The following UBE3B variants were observed in gnomAD, a reference collection of about 807,000 sequenced individuals.
UBE3B encodes ubiquitin protein ligase E3B.
In UBE3B, 80 loss-of-function variants were observed where a neutral mutation model predicts 132.3. That is an observed-to-expected ratio of 0.60 (90% CI 0.50 to 0.73). The LOEUF (loss-of-function observed/expected upper bound fraction) is 0.73, where lower values mean the gene tolerates loss of function less well. Among genes scored for constraint, UBE3B ranks in the 30% least tolerant of loss-of-function variants. UBE3B has a pLI of 0.00. For synonymous variants in UBE3B, 487 were observed against 520.4 expected (o/e 0.94, Z 0.87); for missense variants, 1,196 against 1,362.5 (o/e 0.88, Z 1.92).
rs1158534509 is a variant in UBE3B at position 109,483,609 on chromosome 12, C to T, written c.58C>T (p.Arg20Ter). The T allele has an allele frequency of 1.2e-6, 2 of 1,612,344 alleles. No homozygotes were observed. The highest frequency in any genetic ancestry group is 1.7e-5 in the Admixed American group (1 of 59,484). The part of the protein sequence containing the change: ...AWFIDRARQA[R>*]EERLVQKERE... ...GTTCATCGATAGAGCCCGTCAGGCA[C>T]GAGAAGAAAGGCTTGTGCAGAAGGA... The change falls in exon 3 of 28, where the codon CGA (arginine) becomes TGA (stop). Residue 20 changes from arginine to a stop codon, truncating the protein, a stop_gained. Transcript: ENST00000342494. LOFTEE classifies it high-confidence loss of function.
intron 15 of UBE3B, 83 bp from the exon 16 acceptor site, chr12:109,509,513 T>C (rs1880095837): frequency 2.5e-6 from 2 of 785,902 alleles, no homozygotes; most frequent in African/African-American, 1.7e-5. Flanking sequence ...CAACCTCGTT[T>C]ATTGTCTAGT....
At chr12:109,497,482 C>A (rs1057402789) in intron 9 of UBE3B, among the ~76,000 whole-genome samples, 19 of 152,132 alleles carry the variant, frequency 1.2e-4, no homozygotes, top group African/African-American at 4.6e-4. Flanking sequence ...CTCCAAAACC[C>A]CCTTTTTTCC....
In UBE3B at chr12:109,503,188, C is replaced by A. The variant is rs1401714827; in HGVS notation, c.1448C>A (p.Thr483Lys). Residue 483 changes from threonine to lysine, a missense_variant and splice_region_variant, in exon 14 of 28, where the codon ACA (threonine) becomes AAA (lysine). By Grantham distance (78) the Thr-to-Lys change is moderately conservative. Coordinates refer to ENST00000342494, the MANE Select transcript of UBE3B (RefSeq NM_130466.4). The stretch of plus-strand genomic sequence containing the variant: ...ACACAGATTCGGCTGCAGATACTCA[C>A]AGGTTCGCAGTCCCCAGGGCATCTT... Reference protein sequence around the residue: ...TLTQIRLQILTGLTYLDDLLP... With the variant: ...TLTQIRLQILKGLTYLDDLLP... 2.5e-6 allele frequency: 4 copies of A among 1,613,998 alleles called. No homozygotes were observed. Among genetic ancestry groups the A allele is most frequent in the Non-Finnish European group, 3.4e-6 (4 of 1,179,852 alleles).
intron 26 of UBE3B, among the ~76,000 whole-genome samples, chr12:109,530,959 T>C (rs1171543900): frequency 6.6e-6 from 1 of 152,196 alleles, no homozygotes; most frequent in African/African-American, 2.4e-5. Context: ...TGATAACATC[T>C]TTTTTCTTTA....
chr12:109,501,590 C>T, intron 13 of UBE3B, 56 bp downstream of exon 13: 1 of 1,562,804 alleles, frequency 6.4e-7, no homozygotes, highest in Non-Finnish European at 8.7e-7. Flanking sequence ...AGTACAGCTC[C>T]TGTTTCTTCC....
chr12:109,541,987 G>C, the UBE3B span, among the ~76,000 whole-genome samples: 7 of 152,226 alleles, frequency 4.6e-5, no homozygotes, highest in East Asian at 1.4e-3. Flanking sequence ...TCCAAAAAAG[G>C]TCCCATGCAC....
At chr12:109,498,397 G>A in intron 11 of UBE3B, 44 bp downstream of exon 11, 1 of 1,595,416 alleles carries the variant, frequency 6.3e-7, no homozygotes, top group South Asian at 1.1e-5. Context: ...TGGCCATCAG[G>A]GAAAGCCCGA....
chr12:109,491,169 A>T lies in UBE3B; in HGVS notation c.713+42A>T, dbSNP rs549456117. ...AGCTGAGGTGTTGGCATGTTCTTGAATGCTTCCTCCTCTTGGTTTTTCTTT... is the reference window on the plus strand; with the variant it reads ...AGCTGAGGTGTTGGCATGTTCTTGATTGCTTCCTCCTCTTGGTTTTTCTTT... On this transcript the variant is annotated intron_variant, in intron 9 of 27. Coordinates refer to ENST00000342494, the MANE Select transcript of UBE3B (RefSeq NM_130466.4). The T allele has an allele frequency of 3.2e-6, 5 of 1,586,912 alleles. No individual in the cohort carries two copies. In the South Asian group the frequency reaches 5.6e-5, roughly 18 times the overall value.
In UBE3B at chr12:109,489,878, T is replaced by C. The variant is rs755173837; in HGVS notation, c.545-41T>C. The C allele has an allele frequency of 1.3e-5, 20 of 1,584,730 alleles. No homozygotes were observed. In the East Asian group the frequency reaches 4.0e-4, roughly 32 times the overall value. ...TGTCCCACATAAACAGGTCACATTA[T>C]GGCAAGAGACTTTTTTGTTCTCACT... is the stretch of plus-strand genomic sequence containing the variant. On this transcript the variant is annotated intron_variant, in intron 7 of 27. Transcript: ENST00000342494.
chr12:109,484,002 A>G, intron 4 of UBE3B, 21 bp downstream of exon 4: 1 of 1,599,458 alleles, frequency 6.3e-7, no homozygotes, highest in Non-Finnish European at 8.5e-7. Context: ...AATAGCAAAC[A>G]TGTATAATAC....
chr12:109,480,285 AGGTACCTGATAAG>A (rs921191810), intron 1 of UBE3B, among the ~76,000 whole-genome samples: 4 of 151,800 alleles, frequency 2.6e-5, no homozygotes, highest in African/African-American at 9.7e-5. Flanking sequence ...GTACCTCCAT[AGGTACCTGATAAG>A]CATCATCACA....
At chr12:109,507,817 T>C (rs1879878623) in intron 15 of UBE3B, 82 bp downstream of exon 15, 7 of 1,438,730 alleles carry the variant, frequency 4.9e-6, no homozygotes, top group Non-Finnish European at 5.7e-6. Context: ...AAGTAATTGC[T>C]AATGTGATTA....
rs1592982151 is a variant in UBE3B at position 109,534,901 on chromosome 12, T to C, written c.*119T>C. The stretch of plus-strand genomic sequence containing the variant: ...AGGTGACATTGGCCCCTAGACCCTC[T>C]CTATAGCCATGAGACTCCTTGTGGC... On this transcript the variant is annotated 3_prime_UTR_variant, in exon 28 of 28. Coordinates refer to ENST00000342494, the MANE Select transcript of UBE3B (RefSeq NM_130466.4). The surrounding 1 kb of genome is among the most constrained non-coding windows in gnomAD (Gnocchi z 5.2). The C allele has an allele frequency of 6.1e-6, 5 of 816,378 alleles. No individual in the cohort carries two copies. The East Asian group carries it at 1.2e-4, about 20-fold the overall frequency. 50.6% of individuals were successfully genotyped at this position (816,378 alleles called of 1,614,324 possible).
rs1326086174 is a variant in UBE3B at position 109,477,752 on chromosome 12, C to T, written c.-485C>T. 1.2e-5 allele frequency: 2 copies of T among 167,724 alleles called. No individual in the cohort carries two copies. The highest frequency in any genetic ancestry group is 2.4e-5 in the African/African-American group (1 of 41,642). The allele number at this position is 167,724 out of a possible 1,614,324, so 10.4% of individuals were successfully genotyped here. A position where few individuals can be genotyped will look rare whatever the true frequency, so the allele number is the denominator to read the frequency against. ...GCCCCGACCCCAAGTGCGGGGACCT[C>T]CGGCGAATAAAGGTCGGCCTGCGGG... On this transcript the variant is annotated 5_prime_UTR_variant, in exon 1 of 28. Coordinates refer to ENST00000342494, the MANE Select transcript of UBE3B (RefSeq NM_130466.4).
In UBE3B at chr12:109,503,060, C is replaced by T. The variant is rs1879193720; in HGVS notation, c.1320C>T (p.Val440=). 1 of 1,614,136 alleles carries T rather than the reference C, an allele frequency of 6.2e-7. No individual in the cohort carries two copies. The highest frequency in any genetic ancestry group is 8.5e-7 in the Non-Finnish European group (1 of 1,180,032). Residue 440 remains valine (V), a synonymous_variant, in exon 14 of 28, where the codon GTC becomes GTT. Coordinates refer to ENST00000342494, the MANE Select transcript of UBE3B (RefSeq NM_130466.4). ...LKRAFQKSAS[V]RNILRPVGGK... ...GTGCTTTTCAAAAGTCGGCATCAGT[C>T]CGGAATATTCTCAGGCCTGTCGGGG... is the stretch of plus-strand genomic sequence containing the variant.
intron 22 of UBE3B, 135 bp downstream of exon 22, chr12:109,524,250 G>C: frequency 7.1e-7 from 1 of 1,399,254 alleles, no homozygotes; most frequent in Admixed American, 2.0e-5. Flanking sequence ...ATCCCCCTGT[G>C]GGCAGTCCCA....
At chr12:109,504,540 C>G (rs1879407219) in intron 14 of UBE3B, among the ~76,000 whole-genome samples, 1 of 152,144 alleles carries the variant, frequency 6.6e-6, no homozygotes, top group African/African-American at 2.4e-5. Context: ...CTGGAGAAGA[C>G]CGGGGGCAGG....
chr12:109,520,986 C>A, intron 19 of UBE3B, 162 bp from the exon 20 acceptor site: 1 of 711,536 alleles, frequency 1.4e-6, no homozygotes, highest in Non-Finnish European at 2.3e-6. Flanking sequence ...AATCAGCACT[C>A]ATTCAAAAGC....
rs1020646471 is a variant in UBE3B, at chr12:109,507,584, C to T, written c.1471C>T (p.Leu491=). ...TCCAGGTCTCACTTACCTTGATGACCTGCTTCCCAAACTGTGGGCATTTAT... is the reference window on the plus strand; with the variant it reads ...TCCAGGTCTCACTTACCTTGATGACTTGCTTCCCAAACTGTGGGCATTTAT... ...ILTGLTYLDD[L]LPKLWAFICE... Residue 491 remains leucine, a synonymous_variant, in exon 15 of 28, where the codon CTG becomes TTG. Transcript: ENST00000342494. 6.2e-7 allele frequency: 1 copy of T among 1,613,734 alleles called. No individual in the cohort carries two copies. The highest frequency in any genetic ancestry group is 1.3e-5 in the African/African-American group (1 of 74,898).
Sources: allele counts gnomAD v4.1 joint callset (sites outside exome capture counted in the v4.1 genomes callset), GRCh38; gene constraint gnomAD v4.1.1; non-coding constraint Gnocchi (gnomAD v3.1); transcripts MANE v1.5; gene names NCBI Gene and HGNC (gene_info 2026-07-23, HGNC 2026-07-21).